BCL2: variants seen among roughly 807,000 people sequenced by gnomAD.
BCL2 encodes BCL2 apoptosis regulator, also known as apoptosis regulator Bcl-2.
BCL2 carries 1 observed loss-of-function variant against 14.2 expected under a neutral mutation model. The ratio of observed to expected loss-of-function variants is 0.07; its 90% CI spans 0.02 to 0.33. The LOEUF (loss-of-function observed/expected upper bound fraction) is 0.33, where lower values mean the gene tolerates loss of function less well. BCL2 is among the 10% of genes least tolerant of loss of function. The probability of loss-of-function intolerance (pLI) is 0.99; values close to 1 mark genes in which losing one functional copy is unlikely to be tolerated. For synonymous variants in BCL2, 151 were observed against 137.2 expected (o/e 1.10, Z -0.70); for missense variants, 247 against 305.9 (o/e 0.81, Z 1.44).
At chr18:63,171,728 C>A (rs116529427) in intron 2 of BCL2, among the ~76,000 whole-genome samples, 1,828 of 152,286 alleles carry the variant, frequency 0.012, 36 homozygotes, top group African/African-American at 0.042. Context: ...GTGATCCCAG[C>A]ACTTGGGAGG....
intron 2 of BCL2, among the ~76,000 whole-genome samples, chr18:63,273,533 C>T (rs1912061797): frequency 6.6e-6 from 1 of 152,136 alleles, no homozygotes; most frequent in Non-Finnish European, 1.5e-5. Context: ...AAAGCCTATG[C>T]TTTAAAAAAA....
At chr18:63,214,339 C>T (rs929756247) in intron 2 of BCL2, among the ~76,000 whole-genome samples, 3 of 152,232 alleles carry the variant, frequency 2.0e-5, no homozygotes, top group Admixed American at 6.5e-5. Context: ...ACGTCCGGTG[C>T]AGCTCGGAAG....
chr18:63,221,165 G>A (rs761177933), intron 2 of BCL2, among the ~76,000 whole-genome samples: 1 of 152,240 alleles, frequency 6.6e-6, no homozygotes, highest in Non-Finnish European at 1.5e-5. Context: ...GGTTTTATCA[G>A]TGTTGAGGCT....
At chr18:63,287,502 G>A (rs551683196) in intron 2 of BCL2, among the ~76,000 whole-genome samples, 34 of 152,198 alleles carry the variant, frequency 2.2e-4, no homozygotes, top group African/African-American at 6.5e-4. Context: ...AGGGGGTGGC[G>A]GGCAGTTTGA....
intron 2 of BCL2, among the ~76,000 whole-genome samples, chr18:63,235,472 C>T (rs906750768): frequency 5.9e-5 from 9 of 152,080 alleles, no homozygotes; most frequent in South Asian, 4.1e-4. Context: ...TGTTTTGCAA[C>T]GGACAAATCT....
At chr18:63,247,562 C>G (rs1409748658) in intron 2 of BCL2, among the ~76,000 whole-genome samples, 1 of 152,130 alleles carries the variant, frequency 6.6e-6, no homozygotes, top group Non-Finnish European at 1.5e-5. Context: ...AAATCTTCTA[C>G]TAGGGGAAGA....
At chr18:63,178,899 C>CAAAAAAAAAAA (rs111876869) in intron 2 of BCL2, among the ~76,000 whole-genome samples, 3 of 132,922 alleles carry the variant, frequency 2.3e-5, no homozygotes, top group Non-Finnish European at 3.2e-5. Context: ...GGGTTCAAGG[C>CAAAAAAAAAAA]AAAAAAAAAA....
intron 2 of BCL2, among the ~76,000 whole-genome samples, chr18:63,148,597 A>G (rs1249617667): frequency 6.6e-6 from 1 of 152,188 alleles, no homozygotes. Flanking sequence ...CAATGATGCA[A>G]TGAGATACTG....
intron 2 of BCL2, among the ~76,000 whole-genome samples, chr18:63,180,474 C>G (rs1915456170): frequency 6.6e-6 from 1 of 152,246 alleles, no homozygotes; most frequent in South Asian, 2.1e-4. Context: ...ACTGCTTCCC[C>G]TGGAGAGAGA....
At chr18:63,310,352 C>G (rs1913272697) in intron 2 of BCL2, among the ~76,000 whole-genome samples, 1 of 152,214 alleles carries the variant, frequency 6.6e-6, no homozygotes, top group Admixed American at 6.5e-5. Flanking sequence ...AACACACCTC[C>G]CGCATTCATG....
chr18:63,204,637 G>A (rs1909783642), intron 2 of BCL2, among the ~76,000 whole-genome samples: 1 of 152,142 alleles, frequency 6.6e-6, no homozygotes, highest in Non-Finnish European at 1.5e-5. Context: ...TAATAAAAGG[G>A]TTGTTGTTTT....
intron 2 of BCL2, among the ~76,000 whole-genome samples, chr18:63,225,918 G>A (rs567053963): frequency 3.9e-5 from 6 of 152,266 alleles, no homozygotes; most frequent in South Asian, 2.1e-4. Flanking sequence ...CAGTGGGGGC[G>A]GTCAGTGTGA....
At chr18:63,243,673 A>C (rs1165494808) in intron 2 of BCL2, among the ~76,000 whole-genome samples, 4 of 152,226 alleles carry the variant, frequency 2.6e-5, no homozygotes, top group Non-Finnish European at 5.9e-5. Flanking sequence ...GAGCATGGGA[A>C]TCTATGGAGA....
intron 2 of BCL2, among the ~76,000 whole-genome samples, chr18:63,226,801 G>T (rs1330448901): frequency 6.6e-6 from 1 of 151,806 alleles, no homozygotes; most frequent in African/African-American, 2.4e-5. Context: ...GTAGGGAGAT[G>T]TTAAAGAAAA....
At chr18:63,141,821 G>C (rs1914371151) in intron 2 of BCL2, among the ~76,000 whole-genome samples, 1 of 152,254 alleles carries the variant, frequency 6.6e-6, no homozygotes, top group Non-Finnish European at 1.5e-5. Flanking sequence ...ATTGGCGACA[G>C]GCAAATATGC....
At chr18:63,289,543 G>A (rs768058) in intron 2 of BCL2, among the ~76,000 whole-genome samples, 38,591 of 152,006 alleles carry the variant, frequency 0.25, 5,266 homozygotes, top group East Asian at 0.59. Context: ...AGTGAAAGAT[G>A]GAGAGAGGAA....
intron 2 of BCL2, among the ~76,000 whole-genome samples, chr18:63,199,941 C>T (rs1330587338): frequency 6.6e-6 from 1 of 152,016 alleles, no homozygotes; most frequent in Non-Finnish European, 1.5e-5. Flanking sequence ...CACATGCACA[C>T]ACACACACGC....
intron 2 of BCL2, among the ~76,000 whole-genome samples, chr18:63,211,063 C>CTTTTTTTTTT (rs59302545): frequency 4.4e-4 from 26 of 59,164 alleles, no homozygotes; most frequent in South Asian, 9.7e-4. Flanking sequence ...CTTTTCATTT[C>CTTTTTTTTTT]TTTTTTTTTT....
intron 2 of BCL2, chr18:63,314,178 G>T (rs1019481073): frequency 1.3e-5 from 2 of 152,126 alleles, no homozygotes; most frequent in Non-Finnish European, 2.9e-5. Context: ...CTTTCCCAAG[G>T]AAAGTTCATC....
Sources: gnomAD v4.1 joint callset for allele counts (sites outside exome capture counted in the v4.1 genomes callset) on GRCh38, gnomAD v4.1.1 for gene constraint, MANE v1.5 for transcripts, NCBI Gene and HGNC (gene_info 2026-07-23, HGNC 2026-07-21) for gene names.